Variants in PPT1 observed in about 807,000 individuals in gnomAD.
PPT1 encodes ceroid-palmitoyl-palmitoyl-protein thioesterase 1.
Under a neutral mutation model 44.0 loss-of-function variants are expected in PPT1, and 24 were observed. The ratio of observed to expected loss-of-function variants is 0.54; its 90% CI spans 0.39 to 0.77. PPT1 has a LOEUF of 0.77. PPT1 is among the 30% of genes least tolerant of loss of function. The pLI, the probability that PPT1 is intolerant of heterozygous loss-of-function variation, is 0.00. For missense variants in PPT1, 341 were observed against 378.8 expected, an observed-to-expected ratio of 0.90 and a Z score of 0.83; for synonymous variants, 148 against 140.2, an observed-to-expected ratio of 1.06 and a Z score of -0.39.
Position 40,073,923 on chromosome 1 carries a change from C to G in PPT1, c.*138G>C. ...ATAAGATTCAGATCTTAGATCTTTC[C>G]AAGTAGGGCATGTTAGATGATAGAA... On this transcript the variant is annotated 3_prime_UTR_variant, in exon 9 of 9. Transcript: ENST00000642050. 2.6e-6 allele frequency: 3 copies of G among 1,168,790 alleles called. No individual in the cohort carries two copies. 72.4% of individuals were successfully genotyped at this position (1,168,790 alleles called of 1,614,324 possible).
rs569440232 is a variant in PPT1, at chr1:40,093,242, CATT to C, written c.125-738_125-736del. On this transcript the variant is annotated intron_variant, in intron 1 of 8. Transcript: ENST00000642050. ...TTACAACTTGAATGAACCTCAGAAA[CATT>C]ATACTAAGTGAAAGAAGCCAGACTC... Among the ~76,000 whole-genome samples, 226 of 152,232 alleles carry C rather than the reference CATT, an allele frequency of 1.5e-3. 1 individual carries two copies. The highest frequency in any genetic ancestry group is 2.9e-3 in the Non-Finnish European group (196 of 68,010).
chr1:40,086,663 A>T (rs552526358), intron 5 of PPT1, among the ~76,000 whole-genome samples: 53 of 152,178 alleles, frequency 3.5e-4, no homozygotes, highest in Non-Finnish European at 6.8e-4. Context: ...CGGGACAAAG[A>T]GAGTCTAGCC....
chr1:40,071,485 A>C, downstream of PPT1: 1 of 1,613,864 alleles, frequency 6.2e-7, no homozygotes, highest in Non-Finnish European at 8.5e-7. Context: ...TCAAGACCCT[A>C]TGGAACGGGC....
rs61781915 is a variant in PPT1 at position 40,081,055 on chromosome 1, G to T, written c.537-568C>A. On this transcript the variant is annotated intron_variant, in intron 5 of 8. Transcript: ENST00000642050. ...GGACTCATCAATATTTGCTTCTCCT[G>T]TGACACTGGGGTTTATCATACTTAT... 3.8e-3 allele frequency among the ~76,000 whole-genome samples: 586 copies of T among 152,300 alleles called. 15 individuals are homozygous for T. The highest frequency in any genetic ancestry group is 0.035 in the East Asian group (179 of 5,180).
Position 40,074,187 on chromosome 1 carries a change from C to T in PPT1, c.799-4G>A, listed in dbSNP as rs756821401. On this transcript the variant is annotated splice_polypyrimidine_tract_variant and splice_region_variant and intron_variant, in intron 8 of 8. Transcript: ENST00000642050. ...TTTCCTTTAGCCCCAGGCGGTCCTG[C>T]AGAAGGAAAGGCCATAATTAATTAA... is the stretch of plus-strand genomic sequence containing the variant. 5.6e-6 allele frequency: 9 copies of T among 1,614,072 alleles called. No homozygotes were observed. The highest frequency in any genetic ancestry group is 7.6e-6 in the Non-Finnish European group (9 of 1,180,012).
intron 5 of PPT1, 30 bp from the exon 6 acceptor site, chr1:40,080,517 A>G (rs759514917): frequency 5.6e-6 from 9 of 1,602,428 alleles, no homozygotes; most frequent in Non-Finnish European, 7.7e-6. Flanking sequence ...TGAGGTGATC[A>G]AGCTACAGGT....
intron 3 of PPT1, among the ~76,000 whole-genome samples, chr1:40,091,700 C>A (rs1018318512): frequency 6.6e-6 from 1 of 151,900 alleles, no homozygotes; most frequent in Non-Finnish European, 1.5e-5. Context: ...CCCATCTCTA[C>A]TAAAAATACA....
rs386833641 is a variant in PPT1, at chr1:40,092,097, T to A, written c.310A>T (p.Lys104Ter). ...ATAGCATTGTAGCCTTGCTGCAATT[T>A]AGGATCCTTAGCAAGTGCCTGACAC... Reference protein sequence around the residue: ...TVCQALAKDPKLQQGYNAMGF... With the variant: ...TVCQALAKDP The change falls in exon 3 of 9, where the codon AAA (lysine) becomes TAA (stop). Residue 104 changes from lysine (K) to a stop codon, truncating the protein, a stop_gained. Coordinates refer to ENST00000642050, the MANE Select transcript of PPT1 (RefSeq NM_000310.4). LOFTEE classifies it high-confidence loss of function. The A allele has an allele frequency of 6.2e-7, 1 of 1,614,126 alleles. No individual in the cohort carries two copies. Among genetic ancestry groups the A allele is most frequent in the Non-Finnish European group, 8.5e-7 (1 of 1,179,976 alleles).
chr1:40,092,323 G>A (rs1649610364), intron 2 of PPT1, 75 bp downstream of exon 2: 1 of 1,528,798 alleles, frequency 6.5e-7, no homozygotes, highest in Non-Finnish European at 9.1e-7. Flanking sequence ...GAAAACACAA[G>A]GCAAAGCATT....
intron 1 of PPT1, among the ~76,000 whole-genome samples, chr1:40,093,778 G>T (rs1649696994): frequency 6.6e-6 from 1 of 151,718 alleles, no homozygotes; most frequent in Non-Finnish European, 1.5e-5. Context: ...CCGCTACTTG[G>T]GGGGCTGAGG....
chr1:40,084,700 C>A (rs1402515225), intron 5 of PPT1, among the ~76,000 whole-genome samples: 1 of 152,214 alleles, frequency 6.6e-6, no homozygotes, highest in East Asian at 1.9e-4. Context: ...TATATGAATA[C>A]CATTCATCAT....
At chr1:40,092,011 T>A (rs1649589784) in intron 3 of PPT1, 34 bp downstream of exon 3, 1 of 1,612,030 alleles carries the variant, frequency 6.2e-7, no homozygotes, top group African/African-American at 1.3e-5. Flanking sequence ...ATCAATTCCA[T>A]ATAAGTGGTA....
At chr1:40,096,808 C>T in intron 1 of PPT1, 1 of 433,430 alleles carries the variant, frequency 2.3e-6, no homozygotes, top group East Asian at 4.6e-5. Flanking sequence ...CCGCAGCTCA[C>T]CTAGCCTGAC....
intron 8 of PPT1, 44 bp downstream of exon 8, chr1:40,076,798 C>G: frequency 1.2e-6 from 2 of 1,613,490 alleles, no homozygotes; most frequent in Non-Finnish European, 1.7e-6. Context: ...GAACTGGGAG[C>G]TGAAAAAACA....
chr1:40,074,345 TTTTC>T (rs776853583), intron 8 of PPT1, among the ~76,000 whole-genome samples, 162 bp from the exon 9 acceptor site: 52 of 152,188 alleles, frequency 3.4e-4, no homozygotes, highest in Non-Finnish European at 6.0e-4. Flanking sequence ...TCCTACTTCT[TTTTC>T]TTTCTCTTTT....
intron 8 of PPT1, among the ~76,000 whole-genome samples, chr1:40,076,027 G>A (rs143002723): frequency 6.8e-6 from 1 of 146,036 alleles, no homozygotes; most frequent in African/African-American, 2.5e-5. Flanking sequence ...ACTGGAGGTG[G>A]CAAATTACTG....
At chr1:40,081,091 T>C (rs1159105834) in intron 5 of PPT1, among the ~76,000 whole-genome samples, 2 of 152,222 alleles carry the variant, frequency 1.3e-5, no homozygotes, top group Non-Finnish European at 2.9e-5. Context: ...CATGCTGATA[T>C]GGTTTGGCTG....
At chr1:40,096,750 T>C (rs4557961) in intron 1 of PPT1, 165,053 of 273,286 alleles carry the variant, frequency 0.6, 51,869 homozygotes, top group Middle Eastern at 0.68. Flanking sequence ...CTCTGTTCAA[T>C]GTGTGAAGGA....
intron 5 of PPT1, among the ~76,000 whole-genome samples, chr1:40,083,685 G>A (rs1649105013): frequency 6.6e-6 from 1 of 152,112 alleles, no homozygotes; most frequent in Non-Finnish European, 1.5e-5. Context: ...CAAGGTTGTA[G>A]CTGCATAGAC....
Sources: gnomAD v4.1 joint callset for allele counts (sites outside exome capture counted in the v4.1 genomes callset) on GRCh38, gnomAD v4.1.1 for gene constraint, MANE v1.5 for transcripts, NCBI Gene and HGNC (gene_info 2026-07-23, HGNC 2026-07-21) for gene names.